The following KHNYN variants were observed in gnomAD, a reference collection of about 807,000 sequenced individuals.
KHNYN encodes the protein KH and NYN domain containing.
In KHNYN, 42 loss-of-function variants were observed where a neutral mutation model predicts 62.7. The observed-to-expected ratio is 0.67, with a 90% CI of 0.52 to 0.87. The LOEUF is 0.87. Ranked by LOEUF, KHNYN falls within the 40% of genes least tolerant of loss-of-function variation. KHNYN has a pLI of 0.00. For missense variants in KHNYN, 829 were observed against 874.1 expected, an observed-to-expected ratio of 0.95 and a Z score of 0.65; for synonymous variants, 347 against 345.6, an observed-to-expected ratio of 1.00 and a Z score of -0.04.
chr14:24,428,785 A>G (rs1327031625), upstream of KHNYN: 4 of 1,604,804 alleles, frequency 2.5e-6, no homozygotes, highest in East Asian at 6.7e-5. Flanking sequence ...CACTGGTGCC[A>G]TTGCCGGTTT....
chr14:24,425,057 T>G (rs1205759781), upstream of KHNYN, among the ~76,000 whole-genome samples: 1 of 151,994 alleles, frequency 6.6e-6, no homozygotes, highest in Non-Finnish European at 1.5e-5. Flanking sequence ...AAAAATTAGC[T>G]GGGTGTGGTG....
chr14:24,440,161 G>C lies in KHNYN; in HGVS notation c.*2876G>C. 6.2e-7 allele frequency: 1 copy of C among 1,613,748 alleles called. No homozygotes were observed. The highest frequency in any genetic ancestry group is 2.2e-5 in the East Asian group (1 of 44,876). On this transcript the variant is annotated 3_prime_UTR_variant, in exon 8 of 8. Coordinates refer to ENST00000553935, the MANE Select transcript of KHNYN (RefSeq NM_015299.3). The stretch of plus-strand genomic sequence containing the variant: ...AGCCAGTGGCCAGTGTTCGCTGTGG[G>C]ATCACCTTCTGGCCCTCCAGCAGCA...
In KHNYN at chr14:24,432,282, GCCTC is replaced by G; in HGVS notation, c.1027_1030del (p.Leu343SerfsTer67). On this transcript the variant is annotated frameshift_variant, in exon 3 of 8. Coordinates refer to ENST00000553935, the MANE Select transcript of KHNYN (RefSeq NM_015299.3). LOFTEE classifies it high-confidence loss of function. The surrounding 1 kb of genome is among the most constrained non-coding windows in gnomAD (Gnocchi z 5.6). ...TCACAGGGCAGCTCAGTCCCGAGGAGCCTCCCTCCTCCAGCGGCTCCACAATGGG... is the reference window on the plus strand; with the variant it reads ...TCACAGGGCAGCTCAGTCCCGAGGAGCCTCCTCCAGCGGCTCCACAATGGG... The G allele has an allele frequency of 6.2e-7, 1 of 1,613,870 alleles. No individual in the cohort carries two copies. Among genetic ancestry groups the G allele is most frequent in the South Asian group, 1.1e-5 (1 of 91,062 alleles).
In KHNYN at chr14:24,441,679, C is replaced by G. The variant is rs1372450040; in HGVS notation, c.*4394C>G. 2.5e-6 allele frequency: 4 copies of G among 1,583,682 alleles called. No homozygotes were observed. Among genetic ancestry groups the G allele is most frequent in the Non-Finnish European group, 3.4e-6 (4 of 1,171,428 alleles). ...TGGTGATTTGGGGGGCGTACCTACA[C>G]CTGTGACTAAGACCCAGGCCTTGGG... On this transcript the variant is annotated 3_prime_UTR_variant, in exon 8 of 8. Transcript: ENST00000553935.
At position 24,441,831 on chromosome 14, in the gene KHNYN, A is replaced by G. The variant is rs1333924644; in HGVS notation, c.*4546A>G. ...AACATGGGAAATAAAAAGCCACTAA[A>G]TACATAAGTGCACATATCCCTCTCT... On this transcript the variant is annotated 3_prime_UTR_variant, in exon 8 of 8. Coordinates refer to ENST00000553935, the MANE Select transcript of KHNYN (RefSeq NM_015299.3). The G allele has an allele frequency of 6.3e-7, 1 of 1,592,306 alleles. No individual in the cohort carries two copies. Among genetic ancestry groups the G allele is most frequent in the Non-Finnish European group, 8.5e-7 (1 of 1,169,902 alleles).
chr14:24,436,905 C>A, intron 7 of KHNYN, 131 bp from the exon 8 acceptor site: 2 of 1,227,202 alleles, frequency 1.6e-6, no homozygotes, highest in Non-Finnish European at 2.3e-6. Flanking sequence ...ACTCAGTGGT[C>A]AGCTTCAGGA....
Position 24,437,426 on chromosome 14 carries a change from A to ACTGTGAT in KHNYN, c.*142_*143insTGTGATC. Reference sequence around the variant, plus strand: ...TTTGGATCAGGGAAGCCACTTTGGGACAGGTCCATAAAGTGAACTGATCTT... The same window carrying ACTGTGAT: ...TTTGGATCAGGGAAGCCACTTTGGGACTGTGATCAGGTCCATAAAGTGAACTGATCTT... On this transcript the variant is annotated 3_prime_UTR_variant, in exon 8 of 8. Coordinates refer to ENST00000553935, the MANE Select transcript of KHNYN (RefSeq NM_015299.3). This position sits in a 1 kb window ranked among gnomAD's most constrained non-coding sequence, Gnocchi z 5.5. The ACTGTGAT allele has an allele frequency of 4.1e-6, 4 of 979,846 alleles. No individual in the cohort carries two copies. The highest frequency in any genetic ancestry group is 5.9e-6 in the Non-Finnish European group (4 of 673,988). 60.7% of individuals were successfully genotyped at this position (979,846 alleles called of 1,614,324 possible).
chr14:24,440,313 C>T lies in KHNYN; in HGVS notation c.*3028C>T, dbSNP rs770354760. The T allele has an allele frequency of 3.7e-6, 6 of 1,614,052 alleles. No homozygotes were observed. In the South Asian group the frequency reaches 5.5e-5, roughly 15 times the overall value. ...GCATTAGTGGCGGAGGATGGAGCCA[C>T]TCCATTCAGGACCCCGTGCACGTGG... On this transcript the variant is annotated 3_prime_UTR_variant, in exon 8 of 8. Transcript: ENST00000553935.
chr14:24,436,965 A>G lies in KHNYN; in HGVS notation c.1788-71A>G, dbSNP rs1380285220. On this transcript the variant is annotated intron_variant, in intron 7 of 7. Transcript: ENST00000553935. ...CAGGAATAGGCAGGACAATTACGAG[A>G]GGGGTGCCCACTAAGATCTAATTTC... 1.4e-5 allele frequency: 21 copies of G among 1,540,380 alleles called. No homozygotes were observed. In the East Asian group the frequency reaches 4.1e-4, roughly 30 times the overall value.
chr14:24,430,048 C>T lies in KHNYN; in HGVS notation c.-89C>T, dbSNP rs1231090028. 1.0e-6 allele frequency: 1 copy of T among 985,398 alleles called. No homozygotes were observed. Among genetic ancestry groups the T allele is most frequent in the Non-Finnish European group, 1.2e-6 (1 of 830,018 alleles). 61.0% of individuals were successfully genotyped at this position (985,398 alleles called of 1,614,324 possible). On this transcript the variant is annotated 5_prime_UTR_variant, in exon 1 of 8. Transcript: ENST00000553935. Reference sequence around the variant, plus strand: ...GGGCCCCCTGCCCTTGTCCCCTGGGCTGGGGGCGCGGGCAAAGCGGGGGCC... The same window carrying T: ...GGGCCCCCTGCCCTTGTCCCCTGGGTTGGGGGCGCGGGCAAAGCGGGGGCC...
At position 24,436,102 on chromosome 14, in the gene KHNYN, TG is replaced by T; in HGVS notation, c.1611del (p.Ile538Ter). 6.2e-7 allele frequency: 1 copy of T among 1,614,158 alleles called. No homozygotes were observed. ...FMVKLAEETD[G>X]IIVSNDQFRD... ...TGGTGAAGCTGGCTGAAGAGACAGA[TG>T]GGATAATTGTCTCCAATGACCAGTT... On this transcript the variant is annotated frameshift_variant, in exon 6 of 8. Coordinates refer to ENST00000553935, the MANE Select transcript of KHNYN (RefSeq NM_015299.3). LOFTEE classifies it high-confidence loss of function.
chr14:24,439,755 A>G lies in KHNYN; in HGVS notation c.*2470A>G, dbSNP rs529576310. 7.9e-5 allele frequency: 16 copies of G among 202,028 alleles called. No homozygotes were observed. In the East Asian group the frequency reaches 1.7e-3, roughly 22 times the overall value. 12.5% of individuals were successfully genotyped at this position (202,028 alleles called of 1,614,324 possible). A position where few individuals can be genotyped will look rare whatever the true frequency, so the allele number is the denominator to read the frequency against. ...TCCCAGGAGAATCTAGGCCAAAGAG[A>G]TGAGCCAAGGTTAGTGAGACAATTT... On this transcript the variant is annotated 3_prime_UTR_variant, in exon 8 of 8. Coordinates refer to ENST00000553935, the MANE Select transcript of KHNYN (RefSeq NM_015299.3).
rs1170361463 is a variant in KHNYN at position 24,438,919 on chromosome 14, A to G, written c.*1634A>G. The G allele has an allele frequency of 3.9e-5, 6 of 152,122 alleles. No individual in the cohort carries two copies. Among genetic ancestry groups the G allele is most frequent in the Non-Finnish European group, 8.8e-5 (6 of 68,054 alleles). The allele number at this position is 152,122 out of a possible 1,614,324, so 9.4% of individuals were successfully genotyped here. On this transcript the variant is annotated 3_prime_UTR_variant, in exon 8 of 8. Coordinates refer to ENST00000553935, the MANE Select transcript of KHNYN (RefSeq NM_015299.3). ...AGTTGAATACTGCATGGCGAGTGTA[A>G]TGATGATGGGGAGGGTCCTTGTGTC...
Position 24,431,456 on chromosome 14 carries a change from C to A in KHNYN, c.202-7C>A. On this transcript the variant is annotated splice_polypyrimidine_tract_variant and splice_region_variant and intron_variant, in intron 2 of 7. Coordinates refer to ENST00000553935, the MANE Select transcript of KHNYN (RefSeq NM_015299.3). ...ACTTTTCCTGACCTTCCCTTCCTCC[C>A]AACCAGGAGTACCTGAAGGGCCTCT... The A allele has an allele frequency of 6.5e-7, 1 of 1,549,954 alleles. No homozygotes were observed. The highest frequency in any genetic ancestry group is 8.7e-7 in the Non-Finnish European group (1 of 1,143,864).
In KHNYN at chr14:24,432,479, G is replaced by A; in HGVS notation, c.1218G>A (p.Gly406=). 1.9e-6 allele frequency: 3 copies of A among 1,613,752 alleles called. No individual in the cohort carries two copies. The East Asian group carries it at 6.7e-5, about 36-fold the overall frequency. The change falls in exon 3 of 8, where the codon GGG becomes GGA. Residue 406 remains glycine, a synonymous_variant. Transcript: ENST00000553935. The surrounding 1 kb of genome is among the most constrained non-coding windows in gnomAD (Gnocchi z 5.6). ...CTCAATGGAAACGAGGCGCCCGAGG[G>A]GGCAACTTGGTGACTGGCACACAGC... is the stretch of plus-strand genomic sequence containing the variant. The part of the protein sequence containing the change: ...RGPQWKRGAR[G]GNLVTGTQRF...
Position 24,432,730 on chromosome 14 carries a change from T to C in KHNYN, c.1358T>C (p.Leu453Pro), listed in dbSNP as rs751285845. 3 of 1,614,144 alleles carry C rather than the reference T, an allele frequency of 1.9e-6. No individual in the cohort carries two copies. In the South Asian group the frequency reaches 3.3e-5, roughly 18 times the overall value. ...ACCCCCTCCCACTACAGGCATGGCC[T>C]CCAGCACTACTTCTCCAGCCGGGGC... is the stretch of plus-strand genomic sequence containing the variant. Reference protein sequence around the residue: ...DGSNVAMVHGLQHYFSSRGIA... With the variant: ...DGSNVAMVHGPQHYFSSRGIA... The change falls in exon 4 of 8, where the codon CTC becomes CCC. Residue 453 changes from leucine (L) to proline (P), a missense_variant. Around this residue, in one of 2 missense-constraint regions of KHNYN, gnomAD observed 270 missense variants for 347.1 expected, o/e 0.78. Coordinates refer to ENST00000553935, the MANE Select transcript of KHNYN (RefSeq NM_015299.3). This position sits in a 1 kb window ranked among gnomAD's most constrained non-coding sequence, Gnocchi z 5.6.
rs530054456 is a variant in KHNYN, at chr14:24,436,044, C to T, written c.1578-28C>T. On this transcript the variant is annotated intron_variant, in intron 5 of 7. Coordinates refer to ENST00000553935, the MANE Select transcript of KHNYN (RefSeq NM_015299.3). ...ACCCAGTAGGTAATTTTTCAACCCT[C>T]TCTCGGTTGCTGTGGTTTTGGAGAC... 10 of 1,578,612 alleles carry T rather than the reference C, an allele frequency of 6.3e-6. No individual in the cohort carries two copies. The South Asian group carries it at 8.9e-5, about 14-fold the overall frequency.
At chr14:24,425,072 G>C (rs1287940848), upstream of KHNYN, among the ~76,000 whole-genome samples, 1 of 152,054 alleles carries the variant, frequency 6.6e-6, no homozygotes, top group Non-Finnish European at 1.5e-5. Context: ...GTGGTGGCTC[G>C]CACCTGTAAT....
chr14:24,430,139 G>A lies in KHNYN; in HGVS notation c.-18+20G>A. The A allele has an allele frequency of 4.1e-6, 4 of 983,516 alleles. No individual in the cohort carries two copies. The highest frequency in any genetic ancestry group is 4.8e-6 in the Non-Finnish European group (4 of 828,778). 60.9% of individuals were successfully genotyped at this position (983,516 alleles called of 1,614,324 possible). ...GAGGCGGTAGGCGCGCCCCTCCACC[G>A]CGCCCGGGAGCGGGGAGCGGGGGCC... On this transcript the variant is annotated intron_variant, in intron 1 of 7. Transcript: ENST00000553935.
Sources: allele counts gnomAD v4.1 joint callset (sites outside exome capture counted in the v4.1 genomes callset), GRCh38; gene constraint gnomAD v4.1.1; regional missense constraint gnomAD v4.1.1; non-coding constraint Gnocchi (gnomAD v3.1); transcripts MANE v1.5; gene names NCBI Gene and HGNC (gene_info 2026-07-23, HGNC 2026-07-21).